TCTN2: variants seen among roughly 807,000 people sequenced by gnomAD.
The protein encoded by TCTN2 is tectonic-2.
TCTN2 carries 66 observed loss-of-function variants against 83.4 expected under a neutral mutation model. The observed-to-expected ratio is 0.79, with a 90% CI of 0.65 to 0.97. The LOEUF is 0.97. Ranked by LOEUF, TCTN2 falls within the 50% of genes least tolerant of loss-of-function variation. The pLI, the probability that TCTN2 is intolerant of heterozygous loss-of-function variation, is 0.00. For synonymous variants in TCTN2, 301 were observed against 326.7 expected, an observed-to-expected ratio of 0.92 and a Z score of 0.85; for missense variants, 794 against 858.1, an observed-to-expected ratio of 0.93 and a Z score of 0.93.
chr12:123,699,696 T>G lies in TCTN2; in HGVS notation c.1506-8T>G. The G allele has an allele frequency of 1.2e-6, 2 of 1,610,570 alleles. No individual in the cohort carries two copies. The highest frequency in any genetic ancestry group is 1.7e-6 in the Non-Finnish European group (2 of 1,176,804). Reference sequence around the variant, plus strand: ...CCATGAGCTGAGAAATGTCTTACTCTCTTGCAGGGAGAATGCTGTTGAAAG... The same window carrying G: ...CCATGAGCTGAGAAATGTCTTACTCGCTTGCAGGGAGAATGCTGTTGAAAG... On this transcript the variant is annotated splice_polypyrimidine_tract_variant and splice_region_variant and intron_variant, in intron 13 of 17. Transcript: ENST00000303372.
chr12:123,674,003 A>G (rs1455857968), intron 4 of TCTN2, among the ~76,000 whole-genome samples, 193 bp downstream of exon 4: 1 of 152,202 alleles, frequency 6.6e-6, no homozygotes, highest in Non-Finnish European at 1.5e-5. Context: ...GTCTCAAAAA[A>G]AACCAAAAAC....
intron 10 of TCTN2, 100 bp downstream of exon 10, chr12:123,695,076 C>A (rs1016096251): frequency 6.6e-7 from 1 of 1,518,868 alleles, no homozygotes; most frequent in South Asian, 1.2e-5. Flanking sequence ...CTAAGTTGGA[C>A]TTGTTTCTTA....
In TCTN2 at chr12:123,679,230, G is replaced by A; in HGVS notation, c.505G>A (p.Gly169Ser). ...VIPNQVYQPL[G>S]PCPCNLTAGA... ...TCCTAACCAGGTGTATCAGCCCCTTGGCCCTTGTCCTTGTAATTTAACAGC... is the reference window on the plus strand; with the variant it reads ...TCCTAACCAGGTGTATCAGCCCCTTAGCCCTTGTCCTTGTAATTTAACAGC... The change falls in exon 5 of 18, where the codon GGC becomes AGC. Residue 169 changes from glycine (G) to serine (S), a missense_variant. Transcript: ENST00000303372. The A allele has an allele frequency of 6.2e-7, 1 of 1,614,076 alleles. No homozygotes were observed. Among genetic ancestry groups the A allele is most frequent in the East Asian group, 2.2e-5 (1 of 44,888 alleles).
At chr12:123,684,114 G>T (rs143260346) in intron 5 of TCTN2, among the ~76,000 whole-genome samples, 2 of 152,112 alleles carry the variant, frequency 1.3e-5, no homozygotes, top group African/African-American at 2.4e-5. Context: ...CTTCACTGAC[G>T]TATGATTGGC....
chr12:123,680,374 C>A (rs1322083049), intron 5 of TCTN2, among the ~76,000 whole-genome samples: 1 of 149,746 alleles, frequency 6.7e-6, no homozygotes, highest in Non-Finnish European at 1.5e-5. Flanking sequence ...AAAAATCACA[C>A]AACTTTTGAG....
At chr12:123,695,985 A>T in intron 11 of TCTN2, 1 of 204,840 alleles carries the variant, frequency 4.9e-6, no homozygotes, top group South Asian at 8.1e-5. Context: ...CTGGGATTAC[A>T]GGTGCCCACC....
chr12:123,704,633 G>C lies in TCTN2; in HGVS notation c.1714G>C (p.Asp572His). 6.2e-7 allele frequency: 1 copy of C among 1,612,902 alleles called. No individual in the cohort carries two copies. The highest frequency in any genetic ancestry group is 8.5e-7 in the Non-Finnish European group (1 of 1,179,790). The part of the protein sequence containing the change: ...AHLSIRILIS[D>H]AGAVEGITQQ... ...CCTGAGCATCCGCATCCTCATCTCG[G>C]ATGCTGGCGCGGTGGAAGGGATTAC... is the stretch of plus-strand genomic sequence containing the variant. The change falls in exon 15 of 18, where the codon GAT becomes CAT. Residue 572 changes from aspartate to histidine, a missense_variant. By Grantham distance (81) the Asp-to-His change is moderately conservative. Transcript: ENST00000303372.
chr12:123,688,656 T>C (rs1284389993), intron 7 of TCTN2, among the ~76,000 whole-genome samples: 1 of 152,228 alleles, frequency 6.6e-6, no homozygotes, highest in Admixed American at 6.6e-5. Flanking sequence ...TAATAAAATA[T>C]ATAGTCACTC....
In TCTN2 at chr12:123,704,521, C is replaced by T. The variant is rs751518876; in HGVS notation, c.1613-11C>T. On this transcript the variant is annotated splice_polypyrimidine_tract_variant and intron_variant, in intron 14 of 17. Coordinates refer to ENST00000303372, the MANE Select transcript of TCTN2 (RefSeq NM_024809.5). ...ATTCTTTGAAAAGTGTATAACTTAA[C>T]ATTTCTATAGGTGTAGATGCCCCTG... 6.2e-7 allele frequency: 1 copy of T among 1,604,960 alleles called. No homozygotes were observed. The highest frequency in any genetic ancestry group is 8.5e-7 in the Non-Finnish European group (1 of 1,175,642).
intron 5 of TCTN2, 46 bp from the exon 6 acceptor site, chr12:123,686,790 G>T: frequency 6.3e-7 from 1 of 1,598,434 alleles, no homozygotes; most frequent in Non-Finnish European, 8.6e-7. Flanking sequence ...CTTGCCAGGA[G>T]ATCCTGACCA....
rs1050508479 is a variant in TCTN2 at position 123,702,311 on chromosome 12, G to T, written c.1613-2221G>T. Among the ~76,000 whole-genome samples the T allele has an allele frequency of 2.0e-5, 3 of 152,116 alleles. No homozygotes were observed. In the East Asian group the frequency reaches 5.8e-4, roughly 29 times the overall value. ...GGTAGGGATCAGCCCTCTGGATCCTGTCCCTACCCTTTCCATCTCCTCTGA... is the reference window on the plus strand; with the variant it reads ...GGTAGGGATCAGCCCTCTGGATCCTTTCCCTACCCTTTCCATCTCCTCTGA... On this transcript the variant is annotated intron_variant, in intron 14 of 17. Transcript: ENST00000303372.
At chr12:123,674,551 A>G (rs1247556812) in intron 4 of TCTN2, among the ~76,000 whole-genome samples, 1 of 152,214 alleles carries the variant, frequency 6.6e-6, no homozygotes, top group Non-Finnish European at 1.5e-5. Context: ...TACAGGCGTG[A>G]GCCACTGTGC....
intron 14 of TCTN2, 55 bp downstream of exon 14, chr12:123,699,865 C>A: frequency 7.3e-7 from 1 of 1,376,084 alleles, no homozygotes; most frequent in Non-Finnish European, 1.0e-6. Context: ...TGACTACCAA[C>A]TGTAGTCGCA....
Position 123,695,220 on chromosome 12 carries a change from G to C in TCTN2, c.1235G>C (p.Gly412Ala). The change falls in exon 11 of 18, where the codon GGG (glycine) becomes GCG (alanine). Residue 412 changes from glycine (G) to alanine (A), a missense_variant and splice_region_variant. By Grantham distance (60) the Gly-to-Ala change is moderately conservative. Transcript: ENST00000303372. Reference sequence around the variant, plus strand: ...ATATTTTATTTTGTTTTATTTCTAGGGATAATGACACAGAGATTTGTAGTA... The same window carrying C: ...ATATTTTATTTTGTTTTATTTCTAGCGATAATGACACAGAGATTTGTAGTA... ...FRAEINAHQK[G>A]IMTQRFVVKF... is the part of the protein sequence containing the mutation. The C allele has an allele frequency of 6.5e-7, 1 of 1,544,476 alleles. No individual in the cohort carries two copies.
intron 8 of TCTN2, among the ~76,000 whole-genome samples, chr12:123,691,756 G>T (rs1269219397): frequency 6.6e-6 from 1 of 151,416 alleles, no homozygotes; most frequent in Non-Finnish European, 1.5e-5. Flanking sequence ...TTTTGAGAGG[G>T]AGTCTTGCTC....
rs951699822 is a variant in TCTN2 at position 123,671,124 on chromosome 12, C to A, written c.-117C>A. On this transcript the variant is annotated 5_prime_UTR_variant, in exon 1 of 18. Coordinates refer to ENST00000303372, the MANE Select transcript of TCTN2 (RefSeq NM_024809.5). ...GATTGGTGGTTGCCATAGCTCCGGG[C>A]GTTCGCTTGCAAGATGGCGGCGGCG... The A allele has an allele frequency of 4.0e-6, 4 of 987,944 alleles. No individual in the cohort carries two copies. In the African/African-American group the frequency reaches 4.8e-5, roughly 12 times the overall value. 61.2% of individuals were successfully genotyped at this position (987,944 alleles called of 1,614,324 possible).
chr12:123,678,799 C>T (rs1182211167), intron 4 of TCTN2, among the ~76,000 whole-genome samples: 1 of 150,646 alleles, frequency 6.6e-6, no homozygotes, highest in East Asian at 1.9e-4. Context: ...GATAATTCAG[C>T]TTGCTTTTTT....
chr12:123,674,976 C>T (rs1955803434), intron 4 of TCTN2, among the ~76,000 whole-genome samples: 1 of 152,108 alleles, frequency 6.6e-6, no homozygotes, highest in Non-Finnish European at 1.5e-5. Context: ...CTTCCTGGTT[C>T]AGGCGATCCT....
intron 5 of TCTN2, among the ~76,000 whole-genome samples, chr12:123,680,608 C>T (rs1955888288): frequency 6.6e-6 from 1 of 151,156 alleles, no homozygotes; most frequent in Non-Finnish European, 1.5e-5. Flanking sequence ...CCTCCACCTC[C>T]TGGATTCAAG....
Sources: gnomAD v4.1 joint callset for allele counts (sites outside exome capture counted in the v4.1 genomes callset) on GRCh38, gnomAD v4.1.1 for gene constraint, MANE v1.5 for transcripts, NCBI Gene and HGNC (gene_info 2026-07-23, HGNC 2026-07-21) for gene names.